FGGY: variants seen among roughly 807,000 people sequenced by gnomAD.
FGGY encodes FGGY carbohydrate kinase domain containing.
Under a neutral mutation model 71.3 loss-of-function variants are expected in FGGY, and 72 were observed. That is an observed-to-expected ratio of 1.01 (90% CI 0.84 to 1.23). The LOEUF (loss-of-function observed/expected upper bound fraction) is 1.23, where lower values mean the gene tolerates loss of function less well. Ranked by LOEUF, FGGY falls within the 50% of genes most tolerant of loss-of-function variation. FGGY has a pLI of 0.00. For missense variants in FGGY, 668 were observed against 682.3 expected (o/e 0.98, Z 0.23); for synonymous variants, 251 against 250.3 (o/e 1.00, Z -0.02).
At chr1:59,557,300 T>C (rs955425037) in intron 8 of FGGY, among the ~76,000 whole-genome samples, 4 of 152,214 alleles carry the variant, frequency 2.6e-5, no homozygotes, top group Admixed American at 2.6e-4. Context: ...ATCCTCTTTC[T>C]TCCTGTCTGC....
At position 59,653,986 on chromosome 1, in the gene FGGY, C is replaced by A. The variant is rs180673158; in HGVS notation, c.1222-6233C>A. Among the ~76,000 whole-genome samples the A allele has an allele frequency of 1.1e-3, 167 of 152,296 alleles. 4 individuals are homozygous for A. Among genetic ancestry groups the A allele is most frequent in the East Asian group, 3.3e-3 (17 of 5,188 alleles). On this transcript the variant is annotated intron_variant, in intron 11 of 15. Transcript: ENST00000303721. ...ATCCAGGATAATCTCCCTATTTTAA[C>A]GTCATCTGGCTATTAAATAATTCTA...
intron 5 of FGGY, among the ~76,000 whole-genome samples, chr1:59,382,644 T>G (rs2059608274): frequency 1.3e-5 from 2 of 152,268 alleles, no homozygotes; most frequent in South Asian, 4.1e-4. Flanking sequence ...TTCTCTAGGT[T>G]TTTTCATCAT....
chr1:59,687,863 C>G (rs1462461253), intron 14 of FGGY, among the ~76,000 whole-genome samples: 1 of 152,144 alleles, frequency 6.6e-6, no homozygotes, highest in Non-Finnish European at 1.5e-5. Context: ...AGCTACCTGA[C>G]TGGACTCTGA....
chr1:59,354,321 C>T (rs953789004), intron 4 of FGGY, among the ~76,000 whole-genome samples: 2 of 152,174 alleles, frequency 1.3e-5, no homozygotes, highest in African/African-American at 4.8e-5. Context: ...TCAAGTGATC[C>T]ACCCACCTCG....
In FGGY at chr1:59,626,197, G is replaced by T. The variant is rs117381228; in HGVS notation, c.1073+148G>T. The T allele has an allele frequency of 2.0e-3, 1,153 of 586,070 alleles. 13 individuals carry two copies. Among genetic ancestry groups the T allele is most frequent in the East Asian group, 0.014 (479 of 34,164 alleles). 36.3% of individuals were successfully genotyped at this position (586,070 alleles called of 1,614,324 possible). On this transcript the variant is annotated intron_variant, in intron 10 of 15. Transcript: ENST00000303721. ...AGATAGTCACCTGGATGATCCAGAA[G>T]ATAGATGTATTAATTCTTTAAATGA...
At chr1:59,309,463 G>C (rs1250048838) in intron 1 of FGGY, among the ~76,000 whole-genome samples, 1 of 152,178 alleles carries the variant, frequency 6.6e-6, no homozygotes, top group Non-Finnish European at 1.5e-5. Flanking sequence ...GAGGCAGGGA[G>C]CTAAGGTTAG....
intron 11 of FGGY, chr1:59,641,339 A>G (rs1419941055): frequency 3.7e-6 from 6 of 1,609,694 alleles, no homozygotes; most frequent in South Asian, 3.3e-5. Flanking sequence ...CCAGTTCTCT[A>G]CTCTCCCCTC....
intron 14 of FGGY, among the ~76,000 whole-genome samples, chr1:59,711,960 C>T (rs1042450513): frequency 2.0e-5 from 3 of 152,162 alleles, no homozygotes; most frequent in Non-Finnish European, 2.9e-5. Flanking sequence ...AAAGTCTGAA[C>T]TCATTTCAGC....
chr1:59,340,240 G>C (rs1373111792), intron 3 of FGGY, among the ~76,000 whole-genome samples, 171 bp downstream of exon 3: 3 of 152,170 alleles, frequency 2.0e-5, no homozygotes, highest in Non-Finnish European at 2.9e-5. Context: ...AGAGCAGTTG[G>C]TATGAGTGGG....
At chr1:59,306,757 G>A (rs1184685869) in intron 1 of FGGY, among the ~76,000 whole-genome samples, 1 of 152,196 alleles carries the variant, frequency 6.6e-6, no homozygotes, top group Non-Finnish European at 1.5e-5. Context: ...ATATGTAGTT[G>A]GGGAAGAATA....
chr1:59,536,116 A>T (rs188648387), intron 7 of FGGY, among the ~76,000 whole-genome samples: 2 of 151,832 alleles, frequency 1.3e-5, no homozygotes, highest in Non-Finnish European at 2.9e-5. Flanking sequence ...ATAAGAATCA[A>T]ATAGATGCAA....
At chr1:59,339,062 T>G (rs1325486045) in intron 2 of FGGY, among the ~76,000 whole-genome samples, 5 of 152,230 alleles carry the variant, frequency 3.3e-5, no homozygotes, top group African/African-American at 1.2e-4. Context: ...GATGATTCAG[T>G]GTACATAAAC....
intron 4 of FGGY, among the ~76,000 whole-genome samples, chr1:59,365,590 T>C (rs937130790): frequency 6.6e-6 from 1 of 152,314 alleles, no homozygotes; most frequent in Admixed American, 6.5e-5. Context: ...AACTCAAACA[T>C]TGGGCTGGGC....
At chr1:59,537,847 C>G (rs1408883925) in intron 7 of FGGY, among the ~76,000 whole-genome samples, 2 of 152,118 alleles carry the variant, frequency 1.3e-5, no homozygotes, top group Non-Finnish European at 2.9e-5. Context: ...AAAATCAATT[C>G]AAGATGGATT....
chr1:59,756,505 C>G (rs1484966488), intron 14 of FGGY, among the ~76,000 whole-genome samples: 1 of 152,240 alleles, frequency 6.6e-6, no homozygotes, highest in Non-Finnish European at 1.5e-5. Flanking sequence ...ATTTATCACA[C>G]TCTATTTTGA....
chr1:59,749,785 C>A (rs1252795601), intron 14 of FGGY, among the ~76,000 whole-genome samples: 1 of 152,136 alleles, frequency 6.6e-6, no homozygotes, highest in Non-Finnish European at 1.5e-5. Context: ...CTATGAAAGG[C>A]ATATTTTTAT....
chr1:59,340,316 G>A (rs562100635), intron 3 of FGGY, among the ~76,000 whole-genome samples: 2 of 152,330 alleles, frequency 1.3e-5, no homozygotes, highest in Admixed American at 6.5e-5. Flanking sequence ...TGCAGAGCTT[G>A]GTAAAGGAAG....
At chr1:59,343,410 A>G (rs1049939820) in intron 3 of FGGY, among the ~76,000 whole-genome samples, 3 of 152,168 alleles carry the variant, frequency 2.0e-5, no homozygotes, top group Non-Finnish European at 4.4e-5. Context: ...CTGCCTAGCC[A>G]TTGGCTAGTC....
chr1:59,462,895 T>C (rs1215654739), intron 6 of FGGY, among the ~76,000 whole-genome samples: 4 of 151,652 alleles, frequency 2.6e-5, no homozygotes, highest in South Asian at 2.1e-4. Context: ...TGGAAGTCAG[T>C]GTGGTGATTC....
Sources: allele counts gnomAD v4.1 joint callset (sites outside exome capture counted in the v4.1 genomes callset), GRCh38; gene constraint gnomAD v4.1.1; transcripts MANE v1.5; gene names NCBI Gene and HGNC (gene_info 2026-07-23, HGNC 2026-07-21).